Variants in SOS1 observed in about 807,000 individuals in gnomAD.
The protein encoded by SOS1 is son of sevenless homolog 1.
In SOS1, 25 loss-of-function variants were observed where a neutral mutation model predicts 157.6. The ratio of observed to expected loss-of-function variants is 0.16; its 90% CI spans 0.12 to 0.22. The LOEUF is 0.22. Among genes scored for constraint, SOS1 ranks in the 10% least tolerant of loss-of-function variants. The probability of loss-of-function intolerance (pLI) is 1.00; values close to 1 mark genes in which losing one functional copy is unlikely to be tolerated. For missense variants in SOS1, 1,237 were observed against 1,599.1 expected (o/e 0.77, Z 3.86); for synonymous variants, 528 against 534.0 (o/e 0.99, Z 0.16).
intron 10 of SOS1, among the ~76,000 whole-genome samples, chr2:39,017,062 T>C (rs541224409): frequency 7.2e-5 from 11 of 152,202 alleles, no homozygotes; most frequent in African/African-American, 2.4e-4. Context: ...TTATGTAACA[T>C]TCTCAAAGAA....
chr2:39,102,991 TTG>T (rs1304757782), intron 1 of SOS1, among the ~76,000 whole-genome samples: 1 of 152,082 alleles, frequency 6.6e-6, no homozygotes, highest in Non-Finnish European at 1.5e-5. Context: ...ATTTAAGTAG[TTG>T]TGTTTCTATG....
At chr2:39,113,360 T>C (rs1354929395) in intron 1 of SOS1, among the ~76,000 whole-genome samples, 1 of 150,448 alleles carries the variant, frequency 6.6e-6, no homozygotes, top group Non-Finnish European at 1.5e-5. Flanking sequence ...CTGTCTTCTT[T>C]TTTTTTTTTT....
intron 15 of SOS1, among the ~76,000 whole-genome samples, chr2:39,009,490 G>GT (rs1669391602): frequency 6.6e-6 from 1 of 152,064 alleles, no homozygotes; most frequent in Admixed American, 6.5e-5. Context: ...TTGTAAATGC[G>GT]TATTTTTTTC....
rs1391761076 is a variant in SOS1 at position 39,067,725 on chromosome 2, T to A, written c.116A>T (p.Glu39Val). The stretch of plus-strand genomic sequence containing the variant: ...ATACTGAAGAGCATCATCATTAGAC[T>A]CGAGAGTAGGATGAACTTGCCCCTG... ...KVQGQVHPTL[E>V]SNDDALQYVE... The change falls in exon 2 of 23, where the codon GAG becomes GTG. Residue 39 changes from glutamate to valine, a missense_variant. Around this residue, in one of 15 missense-constraint regions of SOS1, gnomAD observed 99 missense variants for 81.6 expected, o/e 1.21. Coordinates refer to ENST00000402219, the MANE Select transcript of SOS1 (RefSeq NM_005633.4). 6.2e-7 allele frequency: 1 copy of A among 1,612,768 alleles called. No individual in the cohort carries two copies. Among genetic ancestry groups the A allele is most frequent in the Admixed American group, 1.7e-5 (1 of 60,014 alleles).
chr2:39,000,767 T>G (rs560943404), intron 17 of SOS1, among the ~76,000 whole-genome samples: 1 of 152,370 alleles, frequency 6.6e-6, no homozygotes, highest in South Asian at 2.1e-4. Flanking sequence ...CTTATCTGTC[T>G]ATTCTTAGCA....
chr2:39,000,144 A>G (rs575519483), intron 17 of SOS1, among the ~76,000 whole-genome samples: 5 of 152,318 alleles, frequency 3.3e-5, no homozygotes, highest in African/African-American at 1.2e-4. Context: ...TCTTGAAAGC[A>G]CACTTGAATG....
At chr2:39,115,471 A>G (rs1198701102) in intron 1 of SOS1, among the ~76,000 whole-genome samples, 2 of 138,204 alleles carry the variant, frequency 1.4e-5, no homozygotes, top group Non-Finnish European at 3.0e-5. Context: ...CTGGAGTGCA[A>G]TAGCACAATC....
chr2:39,070,491 G>A (rs1198291205), intron 1 of SOS1, among the ~76,000 whole-genome samples: 3 of 151,538 alleles, frequency 2.0e-5, no homozygotes, highest in Non-Finnish European at 4.4e-5. Context: ...CTTCTCTTCT[G>A]CCCCCTAAGT....
chr2:38,993,320 C>CA (rs1668790703), intron 20 of SOS1: 3 of 152,002 alleles, frequency 2.0e-5, no homozygotes, highest in Admixed American at 6.6e-5. Context: ...CCTCTCCTCT[C>CA]AGCTAATTTT....
At chr2:39,072,753 A>C (rs1402607869) in intron 1 of SOS1, among the ~76,000 whole-genome samples, 1 of 152,194 alleles carries the variant, frequency 6.6e-6, no homozygotes, top group African/African-American at 2.4e-5. Flanking sequence ...CGTGATGCCA[A>C]CTGCACTTCT....
At chr2:39,024,231 C>CT (rs879694162) in intron 8 of SOS1, 94 bp from the exon 9 acceptor site, 4 of 769,678 alleles carry the variant, frequency 5.2e-6, no homozygotes, top group Admixed American at 2.9e-5. Flanking sequence ...ATTTATTCAA[C>CT]TGTCACAATA....
chr2:39,041,566 T>G (rs886178819), intron 6 of SOS1, among the ~76,000 whole-genome samples: 2 of 152,242 alleles, frequency 1.3e-5, no homozygotes, highest in African/African-American at 4.8e-5. Context: ...CTTTTATAGC[T>G]TGTGCTTTTG....
chr2:39,088,248 G>A (rs1572883454), intron 1 of SOS1, among the ~76,000 whole-genome samples: 1 of 142,854 alleles, frequency 7.0e-6, no homozygotes, highest in Non-Finnish European at 1.5e-5. Flanking sequence ...TTTTTTAAAT[G>A]CAGGATTCTG....
chr2:39,061,743 A>G (rs1282681871), intron 2 of SOS1, among the ~76,000 whole-genome samples: 4 of 152,162 alleles, frequency 2.6e-5, no homozygotes, highest in African/African-American at 4.8e-5. Context: ...AGATTCATGA[A>G]TTAGAATACT....
chr2:39,076,235 A>T (rs990037071), intron 1 of SOS1, among the ~76,000 whole-genome samples: 2 of 152,122 alleles, frequency 1.3e-5, no homozygotes, highest in Non-Finnish European at 2.9e-5. Context: ...ACCGATCACT[A>T]CCCAAAATAC....
At chr2:39,021,521 A>G (rs1327182901) in intron 10 of SOS1, among the ~76,000 whole-genome samples, 2 of 76,756 alleles carry the variant, frequency 2.6e-5, no homozygotes, top group African/African-American at 9.9e-5. Context: ...ACAATGCTCT[A>G]CAGGAAAAAA....
At chr2:39,034,729 C>G in intron 8 of SOS1, 1 of 450,824 alleles carries the variant, frequency 2.2e-6, no homozygotes, top group Non-Finnish European at 4.5e-6. Context: ...CAGTTTAATA[C>G]AGATAGTTGC....
chr2:39,069,954 C>G (rs1558499257), intron 1 of SOS1, among the ~76,000 whole-genome samples: 1 of 152,170 alleles, frequency 6.6e-6, no homozygotes, highest in Non-Finnish European at 1.5e-5. Context: ...AATTACCAAT[C>G]TGATTATAAT....
In SOS1 at chr2:39,024,067, T is replaced by C; in HGVS notation, c.1145A>G (p.Asn382Ser). The C allele has an allele frequency of 6.2e-7, 1 of 1,600,970 alleles. No homozygotes were observed. The highest frequency in any genetic ancestry group is 8.6e-7 in the Non-Finnish European group (1 of 1,168,220). Residue 382 changes from asparagine to serine, a missense_variant, in exon 9 of 23, where the codon AAT becomes AGT. Physicochemically the swap from Asn to Ser is conservative, Grantham distance 46. Coordinates refer to ENST00000402219, the MANE Select transcript of SOS1 (RefSeq NM_005633.4). ...CLKQAITALL[N>S]VQSGMEKICS... is the part of the protein sequence containing the mutation. Reference sequence around the variant, plus strand: ...TATTTTTTCCATACCACTCTGAACATTAAGCAAAGCTGTTATTGCTTGTTT... The same window carrying C: ...TATTTTTTCCATACCACTCTGAACACTAAGCAAAGCTGTTATTGCTTGTTT...
Sources: allele counts gnomAD v4.1 joint callset (sites outside exome capture counted in the v4.1 genomes callset), GRCh38; gene constraint gnomAD v4.1.1; regional missense constraint gnomAD v4.1.1; transcripts MANE v1.5; gene names NCBI Gene and HGNC (gene_info 2026-07-23, HGNC 2026-07-21).